The following BMERB1 variants were observed in gnomAD, a reference collection of about 807,000 sequenced individuals.
The protein encoded by BMERB1 is bMERB domain containing 1.
In BMERB1, 12 loss-of-function variants were observed where a neutral mutation model predicts 23.6. That is an observed-to-expected ratio of 0.51 (90% CI 0.33 to 0.82). The LOEUF (loss-of-function observed/expected upper bound fraction) is 0.82, where lower values mean the gene tolerates loss of function less well. Among genes scored for constraint, BMERB1 ranks in the 40% least tolerant of loss-of-function variants. The pLI is 0.03. For synonymous variants in BMERB1, 122 were observed against 96.6 expected, an observed-to-expected ratio of 1.26 and a Z score of -1.54; for missense variants, 247 against 255.4, an observed-to-expected ratio of 0.97 and a Z score of 0.22.
intron 2 of BMERB1, among the ~76,000 whole-genome samples, chr16:15,546,470 T>C (rs1047036653): frequency 6.6e-6 from 1 of 152,186 alleles, no homozygotes; most frequent in Non-Finnish European, 1.5e-5. Flanking sequence ...TTGGGCTGCT[T>C]ATTCTAGTGA....
In BMERB1 at chr16:15,549,968, G is replaced by C. The variant is rs1013100972; in HGVS notation, c.231-18015G>C. 6.6e-5 allele frequency among the ~76,000 whole-genome samples: 9 copies of C among 136,660 alleles called. No homozygotes were observed. In the Admixed American group the frequency reaches 6.7e-4, roughly 10 times the overall value. 89.7% of individuals were successfully genotyped at this position (136,660 alleles called of 152,430 possible). A position where few individuals can be genotyped will look rare whatever the true frequency, so the allele number is the denominator to read the frequency against. ...ATTTCAAAAGCACGTTTTTTTTTTTGAGATGCAGTCTTGCTCTGTCGCCCA... is the reference window on the plus strand; with the variant it reads ...ATTTCAAAAGCACGTTTTTTTTTTTCAGATGCAGTCTTGCTCTGTCGCCCA... On this transcript the variant is annotated intron_variant, in intron 2 of 5. Transcript: ENST00000300006.
At chr16:15,470,579 G>A (rs2051220432) in intron 1 of BMERB1, among the ~76,000 whole-genome samples, 1 of 151,054 alleles carries the variant, frequency 6.6e-6, no homozygotes, top group African/African-American at 2.4e-5. Flanking sequence ...AGGCTGGAGT[G>A]CAGTGGCGCG....
intron 3 of BMERB1, among the ~76,000 whole-genome samples, chr16:15,575,084 A>C (rs886953123): frequency 8.5e-5 from 13 of 152,286 alleles, no homozygotes; most frequent in Middle Eastern, 6.8e-3. Context: ...GCCTCAAATA[A>C]ATAAATAAAT....
At chr16:15,537,456 C>T (rs1382954644) in intron 2 of BMERB1, among the ~76,000 whole-genome samples, 2 of 149,282 alleles carry the variant, frequency 1.3e-5, no homozygotes, top group Non-Finnish European at 3.0e-5. Flanking sequence ...CAAGTTCAAG[C>T]GATTCTCCTG....
chr16:15,550,803 G>A (rs548507473), intron 2 of BMERB1, among the ~76,000 whole-genome samples: 63 of 152,324 alleles, frequency 4.1e-4, no homozygotes, highest in African/African-American at 1.4e-3. Context: ...AATCTTGCAA[G>A]CTGTCTGATC....
At chr16:15,580,534 C>T (rs1430486447) in intron 3 of BMERB1, among the ~76,000 whole-genome samples, 3 of 151,356 alleles carry the variant, frequency 2.0e-5, no homozygotes, top group African/African-American at 7.3e-5. Flanking sequence ...CAATCCTGGC[C>T]GCTCAGCTCA....
intron 1 of BMERB1, among the ~76,000 whole-genome samples, chr16:15,499,583 G>A (rs905470989): frequency 6.6e-6 from 1 of 152,024 alleles, no homozygotes; most frequent in African/African-American, 2.4e-5. Context: ...TGTGGTTCAC[G>A]AGAGGGGAAG....
At chr16:15,470,453 G>C (rs536728821) in intron 1 of BMERB1, among the ~76,000 whole-genome samples, 2 of 151,870 alleles carry the variant, frequency 1.3e-5, no homozygotes, top group East Asian at 1.9e-4. Context: ...TTGTTGTACT[G>C]TCTCTCTCTG....
At chr16:15,557,872 C>A (rs1009043416) in intron 2 of BMERB1, among the ~76,000 whole-genome samples, 1 of 152,138 alleles carries the variant, frequency 6.6e-6, no homozygotes, top group Non-Finnish European at 1.5e-5. Context: ...TGGTGAAACT[C>A]CATCTCTCCT....
chr16:15,573,117 G>A (rs2030772194), intron 3 of BMERB1, among the ~76,000 whole-genome samples: 1 of 152,192 alleles, frequency 6.6e-6, no homozygotes, highest in East Asian at 1.9e-4. Flanking sequence ...TCCTGGCACA[G>A]TAAGACCAGC....
At chr16:15,474,934 C>T (rs545075348) in intron 1 of BMERB1, among the ~76,000 whole-genome samples, 4 of 151,988 alleles carry the variant, frequency 2.6e-5, no homozygotes, top group South Asian at 4.2e-4. Context: ...GTGATCTACC[C>T]GCTTGGCCTC....
chr16:15,570,511 A>G (rs1400409238), intron 3 of BMERB1, among the ~76,000 whole-genome samples: 2 of 151,860 alleles, frequency 1.3e-5, no homozygotes, highest in Non-Finnish European at 2.9e-5. Flanking sequence ...CCTGGCCTCT[A>G]CCCACTACAG....
intron 3 of BMERB1, chr16:15,577,072 TATC>T (rs1054138923): frequency 7.2e-5 from 11 of 152,170 alleles, no homozygotes; most frequent in African/African-American, 2.7e-4. Flanking sequence ...ACCCTAATCT[TATC>T]ATGCAAATGA....
intron 1 of BMERB1, among the ~76,000 whole-genome samples, chr16:15,481,421 G>A (rs1409887854): frequency 2.6e-5 from 4 of 151,976 alleles, no homozygotes; most frequent in Non-Finnish European, 2.9e-5. Context: ...CAGCTACTCC[G>A]GAGGCTGAGG....
chr16:15,552,877 C>A (rs1015993534), intron 2 of BMERB1, among the ~76,000 whole-genome samples: 2 of 152,166 alleles, frequency 1.3e-5, no homozygotes, highest in Non-Finnish European at 2.9e-5. Flanking sequence ...CTTCTAGCTG[C>A]AGAAATTTCT....
intron 2 of BMERB1, among the ~76,000 whole-genome samples, chr16:15,548,122 T>C (rs2029979901): frequency 6.6e-6 from 1 of 152,070 alleles, no homozygotes; most frequent in African/African-American, 2.4e-5. Context: ...GTAGCTGGGA[T>C]TACAGCTGTG....
intron 1 of BMERB1, among the ~76,000 whole-genome samples, chr16:15,453,003 T>TAAC (rs1167810164): frequency 6.6e-6 from 1 of 151,876 alleles, no homozygotes; most frequent in Non-Finnish European, 1.5e-5. Context: ...CTAATAAAAA[T>TAAC]AACAACAACA....
intron 2 of BMERB1, among the ~76,000 whole-genome samples, chr16:15,544,127 G>T (rs2052110552): frequency 1.3e-5 from 2 of 152,262 alleles, no homozygotes; most frequent in East Asian, 3.9e-4. Flanking sequence ...TGGTTTTATT[G>T]CCCTTATAGC....
intron 2 of BMERB1, among the ~76,000 whole-genome samples, chr16:15,521,512 A>C (rs1429458230): frequency 6.6e-6 from 1 of 152,148 alleles, no homozygotes; most frequent in Non-Finnish European, 1.5e-5. Context: ...GAACCACCCC[A>C]ACCCAGGACA....
Sources: allele counts gnomAD v4.1 joint callset (sites outside exome capture counted in the v4.1 genomes callset), GRCh38; gene constraint gnomAD v4.1.1; transcripts MANE v1.5; gene names NCBI Gene and HGNC (gene_info 2026-07-23, HGNC 2026-07-21).